PAX2: variants seen among roughly 807,000 people sequenced by gnomAD.
PAX2 encodes the protein paired box protein Pax-2.
In PAX2, 9 loss-of-function variants were observed where a neutral mutation model predicts 41.7. The ratio of observed to expected loss-of-function variants is 0.22; its 90% CI spans 0.13 to 0.38. The LOEUF is 0.38. Among genes scored for constraint, PAX2 ranks in the 10% least tolerant of loss-of-function variants. PAX2 has a pLI of 1.00. For missense variants in PAX2, 418 were observed against 531.6 expected (o/e 0.79, Z 2.10); for synonymous variants, 221 against 212.7 (o/e 1.04, Z -0.34).
intron 5 of PAX2, chr10:100,787,049 G>T (rs1230128384): frequency 8.2e-7 from 1 of 1,218,396 alleles, no homozygotes; most frequent in Non-Finnish European, 1.1e-6. Flanking sequence ...GGGGGTCAAG[G>T]GAAATAGCTT....
chr10:100,795,504 A>C (rs1398995412), intron 5 of PAX2, among the ~76,000 whole-genome samples: 1 of 152,222 alleles, frequency 6.6e-6, no homozygotes, highest in Non-Finnish European at 1.5e-5. Flanking sequence ...ATATGGAGTA[A>C]ATATGCCACA....
At chr10:100,788,886 A>G (rs1846985027) in intron 5 of PAX2, among the ~76,000 whole-genome samples, 1 of 151,972 alleles carries the variant, frequency 6.6e-6, no homozygotes, top group African/African-American at 2.4e-5. Flanking sequence ...CGACACACAT[A>G]CATGCACACC....
chr10:100,739,808 C>T (rs910622080), intron 1 of PAX2, among the ~76,000 whole-genome samples: 14 of 152,220 alleles, frequency 9.2e-5, no homozygotes, highest in African/African-American at 3.4e-4. Context: ...GATGAGGCCG[C>T]GGGCTCCGGG....
In PAX2 at chr10:100,746,071, G is replaced by A. The variant is rs1845154824; in HGVS notation, c.-190G>A. ...TGCGGCTACTGCAGTTGCAAGCTCC[G>A]GCCAACCCGGAGGAGCCCCAGCGGG... On this transcript the variant is annotated 5_prime_UTR_variant, in exon 1 of 10. Coordinates refer to ENST00000355243, the MANE Select transcript of PAX2 (RefSeq NM_000278.5). 2 of 1,485,914 alleles carry A rather than the reference G, an allele frequency of 1.3e-6. No individual in the cohort carries two copies. The highest frequency in any genetic ancestry group is 2.3e-5 in the Admixed American group (1 of 42,746). The allele number at this position is 1,485,914 out of a possible 1,614,324, so 92.0% of individuals were successfully genotyped here. A position where few individuals can be genotyped will look rare whatever the true frequency, so the allele number is the denominator to read the frequency against.
chr10:100,742,543 T>C (rs1335381913), upstream of PAX2, among the ~76,000 whole-genome samples: 1 of 152,164 alleles, frequency 6.6e-6, no homozygotes, highest in Non-Finnish European at 1.5e-5. Flanking sequence ...GGAAGATTTA[T>C]TGGGCAGATC....
In PAX2 at chr10:100,748,376, AC is replaced by A; in HGVS notation, c.44-1369del. 1 of 983,530 alleles carries A rather than the reference AC, an allele frequency of 1.0e-6. No homozygotes were observed. 60.9% of individuals were successfully genotyped at this position (983,530 alleles called of 1,614,324 possible). On this transcript the variant is annotated intron_variant, in intron 1 of 9. Transcript: ENST00000355243. This position sits in a 1 kb window ranked among gnomAD's most constrained non-coding sequence, Gnocchi z 5.0. ...GAAGGGGCTTCAGTCTCTCCCAGCA[AC>A]GCGATCAGAGGTCTTTCCCCAGGGT... is the stretch of plus-strand genomic sequence containing the variant.
chr10:100,818,969 C>T (rs1005997229), intron 7 of PAX2, among the ~76,000 whole-genome samples: 1 of 152,158 alleles, frequency 6.6e-6, no homozygotes, highest in Non-Finnish European at 1.5e-5. Context: ...GATTAAAGGC[C>T]GGGCGTCGTG....
intron 7 of PAX2, among the ~76,000 whole-genome samples, chr10:100,810,228 C>T (rs938935332): frequency 1.6e-4 from 24 of 152,078 alleles, no homozygotes; most frequent in Non-Finnish European, 3.1e-4. Context: ...GAACAGGCAC[C>T]GCCCACTCTA....
In PAX2 at chr10:100,745,694, C is replaced by T; in HGVS notation, c.-567C>T. The T allele has an allele frequency of 1.2e-6, 1 of 817,118 alleles. No individual in the cohort carries two copies. The allele number at this position is 817,118 out of a possible 1,614,324, so 50.6% of individuals were successfully genotyped here. On this transcript the variant is annotated 5_prime_UTR_variant, in exon 1 of 10. Coordinates refer to ENST00000355243, the MANE Select transcript of PAX2 (RefSeq NM_000278.5). Reference sequence around the variant, plus strand: ...GGCCCTTCGGCCGCGGCGGCGTGCGCCTGCCTTTTCCGGGGGCGGGGGCCT... The same window carrying T: ...GGCCCTTCGGCCGCGGCGGCGTGCGTCTGCCTTTTCCGGGGGCGGGGGCCT...
intron 5 of PAX2, among the ~76,000 whole-genome samples, chr10:100,797,396 TCTGTGAGGCGTGTAAC>T (rs1847376876): frequency 6.6e-6 from 1 of 152,216 alleles, no homozygotes; most frequent in Non-Finnish European, 1.5e-5. Flanking sequence ...TCCTCTGCCA[TCTGTGAGGCGTGTAAC>T]CTTGGGAAAG....
rs1848704375 is a variant in PAX2 at position 100,829,406 on chromosome 10, C to G, written c.*1787C>G. 4.8e-6 allele frequency: 1 copy of G among 207,704 alleles called. No individual in the cohort carries two copies. The highest frequency in any genetic ancestry group is 9.9e-6 in the Non-Finnish European group (1 of 101,498). The allele number at this position is 207,704 out of a possible 1,614,324, so 12.9% of individuals were successfully genotyped here. A position where few individuals can be genotyped will look rare whatever the true frequency, so the allele number is the denominator to read the frequency against. On this transcript the variant is annotated 3_prime_UTR_variant, in exon 10 of 10. Coordinates refer to ENST00000355243, the MANE Select transcript of PAX2 (RefSeq NM_000278.5). The stretch of plus-strand genomic sequence containing the variant: ...CAGCTCCAGCCCCCGGGCTCGCCCC[C>G]TCGCGGGCGTGCCCCGCGCGCCCCG...
chr10:100,800,273 CTTTTTTTTT>C (rs59487758), intron 5 of PAX2, among the ~76,000 whole-genome samples: 6 of 108,386 alleles, frequency 5.5e-5, no homozygotes, highest in African/African-American at 8.7e-5. Context: ...TCTTTTCTTT[CTTTTTTTTT>C]TTTTTTTTTT....
At chr10:100,784,205 C>T (rs896012955) in intron 5 of PAX2, among the ~76,000 whole-genome samples, 1 of 152,256 alleles carries the variant, frequency 6.6e-6, no homozygotes, top group Non-Finnish European at 1.5e-5. Context: ...TGTAGCCCAA[C>T]TCTGCAGTCA....
intron 4 of PAX2, among the ~76,000 whole-genome samples, chr10:100,780,605 G>T (rs1038895427): frequency 1.3e-5 from 2 of 152,174 alleles, no homozygotes; most frequent in Non-Finnish European, 2.9e-5. Context: ...CACTAATCTT[G>T]CCCTAAGGGG....
Position 100,748,530 on chromosome 10 carries a change from G to A in PAX2, c.44-1216G>A. Reference sequence around the variant, plus strand: ...GGCAGGGGCTGCAGCTTGCCAGTCCGGGCCGACCCGACTCGGCCGCTAGAA... The same window carrying A: ...GGCAGGGGCTGCAGCTTGCCAGTCCAGGCCGACCCGACTCGGCCGCTAGAA... On this transcript the variant is annotated intron_variant, in intron 1 of 9. Transcript: ENST00000355243. This position sits in a 1 kb window ranked among gnomAD's most constrained non-coding sequence, Gnocchi z 5.0. The A allele has an allele frequency of 1.0e-6, 1 of 985,358 alleles. No individual in the cohort carries two copies. Among genetic ancestry groups the A allele is most frequent in the Non-Finnish European group, 1.2e-6 (1 of 829,902 alleles). 61.0% of individuals were successfully genotyped at this position (985,358 alleles called of 1,614,324 possible).
At chr10:100,792,214 T>G (rs1212946479) in intron 5 of PAX2, among the ~76,000 whole-genome samples, 1 of 152,166 alleles carries the variant, frequency 6.6e-6, no homozygotes, top group Non-Finnish European at 1.5e-5. Flanking sequence ...TAAAAGCAAG[T>G]TGGAATATTG....
chr10:100,738,648 T>G (rs1337551392), intron 1 of PAX2, among the ~76,000 whole-genome samples: 2 of 152,212 alleles, frequency 1.3e-5, no homozygotes, highest in Non-Finnish European at 2.9e-5. Context: ...TCCGCGGGTC[T>G]AGACCTCCCA....
chr10:100,799,906 C>T (rs980827837), intron 5 of PAX2, among the ~76,000 whole-genome samples: 1 of 150,706 alleles, frequency 6.6e-6, no homozygotes, highest in Admixed American at 6.6e-5. Context: ...TGCCTCAGGC[C>T]TCCCAAGTAA....
chr10:100,815,822 TCTGTGCCTACCGGCCACC>T (rs1242605872), intron 7 of PAX2, among the ~76,000 whole-genome samples: 1 of 152,186 alleles, frequency 6.6e-6, no homozygotes, highest in Non-Finnish European at 1.5e-5. Context: ...CATGTCCTTG[TCTGTGCCTACCGGCCACC>T]CTGTGCTGCT....
Sources: allele counts gnomAD v4.1 joint callset (sites outside exome capture counted in the v4.1 genomes callset), GRCh38; gene constraint gnomAD v4.1.1; non-coding constraint Gnocchi (gnomAD v3.1); transcripts MANE v1.5; gene names NCBI Gene and HGNC (gene_info 2026-07-23, HGNC 2026-07-21).